PRKCE: variants seen among roughly 807,000 people sequenced by gnomAD.
The protein encoded by PRKCE is protein kinase C epsilon, also known as protein kinase C epsilon type.
Under a neutral mutation model 85.4 loss-of-function variants are expected in PRKCE, and 16 were observed. That is an observed-to-expected ratio of 0.19 (90% CI 0.13 to 0.28). The LOEUF is 0.28. PRKCE is among the 10% of genes least tolerant of loss of function. The probability of loss-of-function intolerance (pLI) is 1.00; values close to 1 mark genes in which losing one functional copy is unlikely to be tolerated. For missense variants in PRKCE, 573 were observed against 975.2 expected (o/e 0.59, Z 5.49); for synonymous variants, 388 against 371.5 (o/e 1.04, Z -0.51).
intron 2 of PRKCE, among the ~76,000 whole-genome samples, chr2:45,850,663 T>A (rs985901654): frequency 6.6e-6 from 1 of 152,224 alleles, no homozygotes; most frequent in African/African-American, 2.4e-5. Flanking sequence ...GAAACATGCA[T>A]GTTTTCACAA....
At chr2:45,945,514 G>C (rs751668822) in intron 2 of PRKCE, among the ~76,000 whole-genome samples, 1 of 152,084 alleles carries the variant, frequency 6.6e-6, no homozygotes, top group Non-Finnish European at 1.5e-5. Flanking sequence ...TCCAACATTG[G>C]GGATTACACT....
At chr2:45,654,093 CTT>C (rs1346585898) in intron 1 of PRKCE, among the ~76,000 whole-genome samples, 8 of 152,172 alleles carry the variant, frequency 5.3e-5, no homozygotes, top group African/African-American at 1.7e-4. Flanking sequence ...GTGGAAAAAA[CTT>C]GACGCTGGTA....
chr2:45,708,632 T>C (rs1276237199), intron 1 of PRKCE, among the ~76,000 whole-genome samples: 1 of 152,214 alleles, frequency 6.6e-6, no homozygotes, highest in African/African-American at 2.4e-5. Flanking sequence ...CCTCTTTCTT[T>C]TGTTAATTGC....
At chr2:45,934,571 G>T (rs1331402355) in intron 2 of PRKCE, among the ~76,000 whole-genome samples, 1 of 151,164 alleles carries the variant, frequency 6.6e-6, no homozygotes, top group Non-Finnish European at 1.5e-5. Context: ...ATCACTTGAA[G>T]CCACAAGGCG....
intron 2 of PRKCE, among the ~76,000 whole-genome samples, chr2:45,855,979 A>C (rs1347518403): frequency 1.3e-5 from 2 of 152,120 alleles, no homozygotes; most frequent in Admixed American, 1.3e-4. Flanking sequence ...CTCCGTGTGC[A>C]TTAAAAGGCG....
chr2:45,976,440 A>G lies in PRKCE; in HGVS notation c.424A>G (p.Asn142Asp), dbSNP rs1702460113. 6.3e-7 allele frequency: 1 copy of G among 1,599,626 alleles called. No individual in the cohort carries two copies. Among genetic ancestry groups the G allele is most frequent in the African/African-American group, 1.3e-5 (1 of 74,942 alleles). Residue 142 changes from asparagine (N) to aspartate (D), a missense_variant, in exon 3 of 15, where the codon AAT (asparagine) becomes GAT (aspartate). Coordinates refer to ENST00000306156, the MANE Select transcript of PRKCE (RefSeq NM_005400.3). ...SGSSGEAPKD[N>D]EERVFRERMR... ...TTGTCCTTCCCCAGCCCCTAAAGAC[A>G]ATGAAGAGCGTGTGTTCAGGGAACG...
chr2:46,035,493 C>A (rs1707800009), intron 10 of PRKCE, among the ~76,000 whole-genome samples: 1 of 152,224 alleles, frequency 6.6e-6, no homozygotes, highest in African/African-American at 2.4e-5. Flanking sequence ...ATCCCCACCT[C>A]ATAACTCCCC....
intron 1 of PRKCE, among the ~76,000 whole-genome samples, chr2:45,665,424 G>C (rs1675864969): frequency 6.6e-6 from 1 of 152,184 alleles, no homozygotes; most frequent in South Asian, 2.1e-4. Context: ...TTGTTGAGTT[G>C]CTGTGAGGAT....
chr2:46,042,910 A>G (rs1295278658), intron 10 of PRKCE, among the ~76,000 whole-genome samples: 1 of 152,182 alleles, frequency 6.6e-6, no homozygotes, highest in African/African-American at 2.4e-5. Context: ...CATTTTTACT[A>G]GAAGAAGAAA....
chr2:45,761,888 A>G (rs1684536773), intron 1 of PRKCE, among the ~76,000 whole-genome samples: 2 of 152,174 alleles, frequency 1.3e-5, no homozygotes, highest in Middle Eastern at 3.4e-3. Flanking sequence ...AGAATCATAA[A>G]AGCAGAGTCC....
At position 46,004,111 on chromosome 2, in the gene PRKCE, C is replaced by A. The variant is rs922872245; in HGVS notation, c.967-431C>A. On this transcript the variant is annotated intron_variant, in intron 7 of 14. Transcript: ENST00000306156. This position sits in a 1 kb window ranked among gnomAD's most constrained non-coding sequence, Gnocchi z 4.1. ...ACCCACGTGGATAGTTGAACATTAG[C>A]CTTTTCCTGCTGTACCCGTCCAATG... 4.0e-6 allele frequency: 1 copy of A among 252,098 alleles called. No individual in the cohort carries two copies. Among genetic ancestry groups the A allele is most frequent in the South Asian group, 5.0e-5 (1 of 20,084 alleles). The allele number at this position is 252,098 out of a possible 1,614,324, so 15.6% of individuals were successfully genotyped here. A position where few individuals can be genotyped will look rare whatever the true frequency, so the allele number is the denominator to read the frequency against.
intron 11 of PRKCE, among the ~76,000 whole-genome samples, chr2:46,097,380 C>T (rs1489059090): frequency 2.0e-5 from 3 of 151,972 alleles, no homozygotes; most frequent in African/African-American, 4.8e-5. Flanking sequence ...ATTAGCCGGG[C>T]GTGGTGGCGG....
chr2:46,057,279 G>A (rs1263552110), intron 10 of PRKCE, among the ~76,000 whole-genome samples: 2 of 152,178 alleles, frequency 1.3e-5, no homozygotes, highest in Admixed American at 6.5e-5. Context: ...GTCAAGGGGC[G>A]TGTGGAATGG....
At chr2:46,133,399 G>T (rs1674651635) in intron 11 of PRKCE, among the ~76,000 whole-genome samples, 1 of 152,126 alleles carries the variant, frequency 6.6e-6, no homozygotes, top group Admixed American at 6.5e-5. Context: ...CTGGCCTCAT[G>T]TCCATCTCTC....
At chr2:45,906,248 G>GA (rs2103776352) in intron 2 of PRKCE, among the ~76,000 whole-genome samples, 1 of 152,374 alleles carries the variant, frequency 6.6e-6, no homozygotes, top group South Asian at 2.1e-4. Context: ...TGCTGGTGCT[G>GA]AGTCCAGGAG....
intron 2 of PRKCE, among the ~76,000 whole-genome samples, chr2:45,958,482 C>T (rs1381592552): frequency 6.7e-6 from 1 of 148,458 alleles, no homozygotes; most frequent in African/African-American, 2.5e-5. Flanking sequence ...GCACTCCAGC[C>T]TGGCTGACAG....
At chr2:45,865,880 C>A (rs567283359) in intron 2 of PRKCE, among the ~76,000 whole-genome samples, 1 of 143,062 alleles carries the variant, frequency 7.0e-6, no homozygotes, top group Non-Finnish European at 1.5e-5. Context: ...TGCAGTGATA[C>A]AATTAAAATT....
At chr2:46,033,752 T>C (rs1431724939) in intron 10 of PRKCE, among the ~76,000 whole-genome samples, 1 of 152,160 alleles carries the variant, frequency 6.6e-6, no homozygotes, top group Non-Finnish European at 1.5e-5. Flanking sequence ...CAGGATTCGA[T>C]AGAATCAGAT....
chr2:46,140,804 T>C (rs991936091), intron 11 of PRKCE, among the ~76,000 whole-genome samples: 1 of 152,044 alleles, frequency 6.6e-6, no homozygotes. Flanking sequence ...GAAGTTTGTT[T>C]CCTAATATAG....
Sources: allele counts gnomAD v4.1 joint callset (sites outside exome capture counted in the v4.1 genomes callset), GRCh38; gene constraint gnomAD v4.1.1; non-coding constraint Gnocchi (gnomAD v3.1); transcripts MANE v1.5; gene names NCBI Gene and HGNC (gene_info 2026-07-23, HGNC 2026-07-21).